PDE4D: variants seen among roughly 807,000 people sequenced by gnomAD.
The protein encoded by PDE4D is phosphodiesterase 4D.
PDE4D carries 24 observed loss-of-function variants against 87.4 expected under a neutral mutation model. That is an observed-to-expected ratio of 0.27 (90% CI 0.20 to 0.39). The LOEUF is 0.39. Ranked by LOEUF, PDE4D falls within the 10% of genes least tolerant of loss-of-function variation. PDE4D has a pLI of 1.00. For missense variants in PDE4D, 714 were observed against 1,041.0 expected (o/e 0.69, Z 4.32); for synonymous variants, 384 against 383.2 (o/e 1.00, Z -0.02).
intron 5 of PDE4D, among the ~76,000 whole-genome samples, chr5:59,120,029 G>A (rs1774232116): frequency 6.8e-6 from 1 of 148,088 alleles, no homozygotes. Flanking sequence ...ATTCTTAGTA[G>A]AGTCTGTTCC....
At chr5:60,071,329 G>A (rs1385018910) in intron 2 of PDE4D, among the ~76,000 whole-genome samples, 1 of 151,562 alleles carries the variant, frequency 6.6e-6, no homozygotes, top group Non-Finnish European at 1.5e-5. Flanking sequence ...TTAGCAAATG[G>A]GATGCATTCT....
At chr5:60,284,671 A>G (rs1752250760) in intron 1 of PDE4D, among the ~76,000 whole-genome samples, 1 of 152,174 alleles carries the variant, frequency 6.6e-6, no homozygotes, top group Non-Finnish European at 1.5e-5. Context: ...AAATAGTGAG[A>G]ATCTGTAACA....
intron 1 of PDE4D, among the ~76,000 whole-genome samples, chr5:59,310,169 C>A (rs907312998): frequency 1.3e-5 from 2 of 152,162 alleles, no homozygotes; most frequent in African/African-American, 4.8e-5. Flanking sequence ...GAGCCTAGGC[C>A]ATTCAAAGAC....
chr5:58,996,803 C>T (rs933602476), intron 6 of PDE4D, among the ~76,000 whole-genome samples: 1 of 151,956 alleles, frequency 6.6e-6, no homozygotes, highest in Non-Finnish European at 1.5e-5. Context: ...AACAATTCAC[C>T]AAAATAGCCA....
rs1490767895 is a variant in PDE4D at position 59,393,226 on chromosome 5, G to A, written c.456-177258C>T. ...AGAGTTTGAAGACACAGATTCAAAG[G>A]TATTTGACAACAAAAAAAGGACTTT... On this transcript the variant is annotated intron_variant, in intron 1 of 14. Transcript: ENST00000340635. 3.3e-5 allele frequency among the ~76,000 whole-genome samples: 5 copies of A among 152,218 alleles called. No homozygotes were observed. The East Asian group carries it at 9.7e-4, about 29-fold the overall frequency.
Position 59,396,493 on chromosome 5 carries a change from G to A in PDE4D, c.456-180525C>T, listed in dbSNP as rs1789447417. Among the ~76,000 whole-genome samples the A allele has an allele frequency of 2.3e-5, 2 of 86,596 alleles. 1 individual carries two copies. Among genetic ancestry groups the A allele is most frequent in the Non-Finnish European group, 4.5e-5 (2 of 44,622 alleles). 56.8% of individuals were successfully genotyped at this position (86,596 alleles called of 152,430 possible). A position where few individuals can be genotyped will look rare whatever the true frequency, so the allele number is the denominator to read the frequency against. On this transcript the variant is annotated intron_variant, in intron 1 of 14. Coordinates refer to ENST00000340635, the MANE Select transcript of PDE4D (RefSeq NM_001104631.2). ...TATCCAGCCAAACTAAGCTTCATAA[G>A]TGAAGGAGAAATAAAATCCTTTACA...
intron 1 of PDE4D, among the ~76,000 whole-genome samples, chr5:59,875,163 C>G (rs1162041932): frequency 2.0e-5 from 3 of 151,988 alleles, no homozygotes; most frequent in Non-Finnish European, 2.9e-5. Context: ...TTCAAATGAA[C>G]ACAAGAAGGA....
intron 1 of PDE4D, among the ~76,000 whole-genome samples, chr5:59,491,170 T>C (rs1354740258): frequency 6.6e-6 from 1 of 152,214 alleles, no homozygotes; most frequent in Non-Finnish European, 1.5e-5. Context: ...TATTGCCCTG[T>C]GCACTTTTCT....
At chr5:59,445,236 T>C (rs1020861797) in intron 1 of PDE4D, among the ~76,000 whole-genome samples, 1 of 152,246 alleles carries the variant, frequency 6.6e-6, no homozygotes. Flanking sequence ...TACCAATGTA[T>C]GCCTATATTT....
intron 1 of PDE4D, among the ~76,000 whole-genome samples, chr5:59,649,121 A>C (rs1210317039): frequency 6.6e-6 from 1 of 152,232 alleles, no homozygotes; most frequent in Non-Finnish European, 1.5e-5. Flanking sequence ...GCAGCCGCCT[A>C]AGAGAAGGCC....
chr5:60,130,433 G>C, intron 2 of PDE4D, among the ~76,000 whole-genome samples: 1 of 152,176 alleles, frequency 6.6e-6, no homozygotes, highest in Non-Finnish European at 1.5e-5. Flanking sequence ...CCATGGGCAG[G>C]AGAGGACACA....
intron 1 of PDE4D, among the ~76,000 whole-genome samples, chr5:60,227,132 A>G (rs1366841826): frequency 6.6e-6 from 1 of 150,750 alleles, no homozygotes; most frequent in African/African-American, 2.4e-5. Context: ...CTTCTTGAAT[A>G]TTTAAAGTTT....
intron 1 of PDE4D, among the ~76,000 whole-genome samples, chr5:60,454,697 G>A (rs990386264): frequency 6.6e-6 from 1 of 152,076 alleles, no homozygotes; most frequent in Admixed American, 6.6e-5. Flanking sequence ...TAACGCATGC[G>A]GGGCTTAATA....
At chr5:59,679,743 A>G (rs1748697006) in intron 1 of PDE4D, among the ~76,000 whole-genome samples, 1 of 152,156 alleles carries the variant, frequency 6.6e-6, no homozygotes, top group Non-Finnish European at 1.5e-5. Flanking sequence ...TGGAATAATG[A>G]TTTAATATTT....
chr5:59,322,357 G>T (rs1774871013), intron 1 of PDE4D, among the ~76,000 whole-genome samples: 1 of 152,122 alleles, frequency 6.6e-6, no homozygotes, highest in African/African-American at 2.4e-5. Flanking sequence ...AACTAATCAT[G>T]AAATGAGACA....
At chr5:60,513,238 G>A (rs997803822) in intron 1 of PDE4D, among the ~76,000 whole-genome samples, 3 of 152,040 alleles carry the variant, frequency 2.0e-5, no homozygotes, top group African/African-American at 7.2e-5. Flanking sequence ...TAAGATTGAA[G>A]GTGAAAAGAA....
intron 1 of PDE4D, among the ~76,000 whole-genome samples, chr5:60,299,833 G>A (rs551353548): frequency 1.3e-5 from 2 of 152,162 alleles, no homozygotes; most frequent in South Asian, 2.1e-4. Context: ...CCATGTCTTT[G>A]CTTTTGTAAA....
chr5:59,799,794 T>A (rs1561681728), intron 1 of PDE4D, among the ~76,000 whole-genome samples: 1 of 152,212 alleles, frequency 6.6e-6, no homozygotes, highest in Non-Finnish European at 1.5e-5. Flanking sequence ...ACAACTTCTG[T>A]CTTATTTGGT....
chr5:59,890,588 C>T (rs1322556299), intron 1 of PDE4D, among the ~76,000 whole-genome samples: 2 of 152,114 alleles, frequency 1.3e-5, no homozygotes, highest in Non-Finnish European at 1.5e-5. Flanking sequence ...TAGTATCAGT[C>T]GATATAAACT....
Sources: gnomAD v4.1 joint callset for allele counts (sites outside exome capture counted in the v4.1 genomes callset) on GRCh38, gnomAD v4.1.1 for gene constraint, MANE v1.5 for transcripts, NCBI Gene and HGNC (gene_info 2026-07-23, HGNC 2026-07-21) for gene names.